ADAMTS14: variants seen among roughly 807,000 people sequenced by gnomAD.
ADAMTS14 encodes ADAM metallopeptidase with thrombospondin type 1 motif 14.
A neutral mutation model predicts 128.6 loss-of-function variants in ADAMTS14; 100 were observed. The observed-to-expected ratio is 0.78, with a 90% CI of 0.66 to 0.92. ADAMTS14 has a LOEUF of 0.92. Ranked by LOEUF, ADAMTS14 falls within the 40% of genes least tolerant of loss-of-function variation. The pLI is 0.00. For missense variants in ADAMTS14, 1,562 were observed against 1,658.6 expected (o/e 0.94, Z 1.01); for synonymous variants, 665 against 653.8 (o/e 1.02, Z -0.26).
intron 2 of ADAMTS14, among the ~76,000 whole-genome samples, chr10:70,684,544 G>A (rs753610107): frequency 1.3e-5 from 2 of 152,266 alleles, no homozygotes; most frequent in Non-Finnish European, 2.9e-5. Context: ...TTGCCCCTAG[G>A]CAAGTGATTT....
intron 8 of ADAMTS14, among the ~76,000 whole-genome samples, chr10:70,734,812 GA>G (rs2132685777): frequency 6.6e-6 from 1 of 152,338 alleles, no homozygotes; most frequent in Non-Finnish European, 1.5e-5. Context: ...TTTCAGTACA[GA>G]GTGAGTCCTC....
intron 2 of ADAMTS14, among the ~76,000 whole-genome samples, chr10:70,691,793 C>A (rs561683213): frequency 5.0e-4 from 76 of 152,256 alleles, no homozygotes; most frequent in Non-Finnish European, 8.7e-4. Flanking sequence ...AAGTAAGAGG[C>A]GTGCGGTAAC....
chr10:70,705,101 G>A (rs561344623), intron 3 of ADAMTS14, among the ~76,000 whole-genome samples: 1 of 151,910 alleles, frequency 6.6e-6, no homozygotes, highest in African/African-American at 2.4e-5. Context: ...ATCCATGAAT[G>A]AGCCCCAGAG....
intron 18 of ADAMTS14, 107 bp downstream of exon 18, chr10:70,752,334 C>G: frequency 6.9e-7 from 1 of 1,455,342 alleles, no homozygotes; most frequent in Non-Finnish European, 9.2e-7. Context: ...TATGGAGACA[C>G]GACCATACAG....
intron 4 of ADAMTS14, among the ~76,000 whole-genome samples, chr10:70,721,262 A>G (rs1841252559): frequency 6.6e-6 from 1 of 151,628 alleles, no homozygotes; most frequent in Admixed American, 6.6e-5. Flanking sequence ...TGACCTTGTG[A>G]TCCTCCTGCC....
In ADAMTS14 at chr10:70,738,848, T is replaced by C; in HGVS notation, c.1606T>C (p.Phe536Leu). The change falls in exon 11 of 22, where the codon TTC (phenylalanine) becomes CTC (leucine). Residue 536 changes from phenylalanine (F) to leucine (L), a missense_variant. Coordinates refer to ENST00000373207, the MANE Select transcript of ADAMTS14 (RefSeq NM_080722.4). ...GTECAPGKWC[F>L]KGHCIWKSPE... is the part of the protein sequence containing the mutation. ...GCCCTCTGCTCTGCCCCAGTGGTGC[T>C]TCAAAGGTCACTGCATCTGGAAGTC... 6.2e-7 allele frequency: 1 copy of C among 1,614,030 alleles called. No individual in the cohort carries two copies.
At position 70,758,364 on chromosome 10, in the gene ADAMTS14, G is replaced by A. The variant is rs916930035; in HGVS notation, c.3178+79G>A. ...GTGTTGCAGCATGGGCCACTCAGTG[G>A]AGCAAACCCAGCTTGTAGCTGTCTG... On this transcript the variant is annotated intron_variant, in intron 21 of 21. Coordinates refer to ENST00000373207, the MANE Select transcript of ADAMTS14 (RefSeq NM_080722.4). The A allele has an allele frequency of 5.3e-5, 68 of 1,294,764 alleles. No individual in the cohort carries two copies. In the African/African-American group the frequency reaches 9.2e-4, roughly 17 times the overall value. 80.2% of individuals were successfully genotyped at this position (1,294,764 alleles called of 1,614,324 possible).
intron 7 of ADAMTS14, among the ~76,000 whole-genome samples, chr10:70,732,609 AG>A (rs1159094809): frequency 1.3e-5 from 2 of 152,222 alleles, no homozygotes; most frequent in Non-Finnish European, 2.9e-5. Context: ...TCCAAATCCC[AG>A]GGCCATAGGG....
chr10:70,720,182 G>A (rs1056912736), intron 4 of ADAMTS14, among the ~76,000 whole-genome samples: 7 of 152,164 alleles, frequency 4.6e-5, no homozygotes, highest in Non-Finnish European at 5.9e-5. Flanking sequence ...CCCTTTAAGA[G>A]GTGTGCTGAT....
At chr10:70,722,447 T>C (rs1416328212) in intron 4 of ADAMTS14, among the ~76,000 whole-genome samples, 1 of 152,206 alleles carries the variant, frequency 6.6e-6, no homozygotes, top group Non-Finnish European at 1.5e-5. Context: ...TTCCAAGGCC[T>C]GGGCTTGTCC....
intron 11 of ADAMTS14, among the ~76,000 whole-genome samples, chr10:70,739,965 A>G (rs1841944853): frequency 6.6e-6 from 1 of 152,246 alleles, no homozygotes; most frequent in Non-Finnish European, 1.5e-5. Flanking sequence ...GTCTGTGGTT[A>G]TAGAAAAGCC....
chr10:70,760,213 C>G, intron 21 of ADAMTS14, 147 bp from the exon 22 acceptor site: 1 of 1,049,770 alleles, frequency 9.5e-7, no homozygotes, highest in Non-Finnish European at 1.3e-6. Flanking sequence ...GGCTCTGTAG[C>G]CCCCACCCTG....
At chr10:70,710,205 C>T (rs184682789) in intron 4 of ADAMTS14, among the ~76,000 whole-genome samples, 5 of 152,354 alleles carry the variant, frequency 3.3e-5, no homozygotes, top group East Asian at 1.9e-4. Flanking sequence ...GAAAATGCCA[C>T]GTCAACAGGA....
intron 4 of ADAMTS14, among the ~76,000 whole-genome samples, chr10:70,719,584 T>TA (rs199580439): frequency 0.14 from 20,802 of 151,370 alleles, 1,832 homozygotes; most frequent in Middle Eastern, 0.23. Context: ...ATTTTTTTTT[T>TA]TAAAAAATAG....
At chr10:70,719,352 ATC>A (rs1398013745) in intron 4 of ADAMTS14, among the ~76,000 whole-genome samples, 2 of 148,340 alleles carry the variant, frequency 1.3e-5, no homozygotes, top group Non-Finnish European at 3.0e-5. Flanking sequence ...CGTGGACAGC[ATC>A]TCACTCCACA....
intron 3 of ADAMTS14, among the ~76,000 whole-genome samples, chr10:70,706,952 C>T (rs1224935105): frequency 6.6e-6 from 1 of 152,208 alleles, no homozygotes; most frequent in African/African-American, 2.4e-5. Context: ...CACTCGCTCC[C>T]ATGTGTAAAA....
chr10:70,750,613 A>C (rs1223534276), intron 16 of ADAMTS14, among the ~76,000 whole-genome samples: 2 of 152,218 alleles, frequency 1.3e-5, no homozygotes. Flanking sequence ...CCTGGAGGAC[A>C]GGCTCTGTGG....
At chr10:70,672,924 G>A in intron 1 of ADAMTS14, 40 bp downstream of exon 1, 1 of 1,411,232 alleles carries the variant, frequency 7.1e-7, no homozygotes, top group Non-Finnish European at 9.2e-7. Context: ...GTGGGGTCCG[G>A]GGTGCACGCG....
intron 4 of ADAMTS14, among the ~76,000 whole-genome samples, chr10:70,712,392 A>G (rs1840890515): frequency 6.6e-6 from 1 of 152,242 alleles, no homozygotes; most frequent in East Asian, 1.9e-4. Context: ...TCACTTTGTT[A>G]AAAGATAATT....
Sources: allele counts gnomAD v4.1 joint callset (sites outside exome capture counted in the v4.1 genomes callset), GRCh38; gene constraint gnomAD v4.1.1; transcripts MANE v1.5; gene names NCBI Gene and HGNC (gene_info 2026-07-23, HGNC 2026-07-21).